Variants in GRIA2 observed in about 807,000 individuals in gnomAD.
The protein encoded by GRIA2 is glutamate receptor 2.
A neutral mutation model predicts 97.3 loss-of-function variants in GRIA2; 14 were observed. The observed-to-expected ratio is 0.14, with a 90% CI of 0.10 to 0.23. The LOEUF (loss-of-function observed/expected upper bound fraction) is 0.23, where lower values mean the gene tolerates loss of function less well. Ranked by LOEUF, GRIA2 falls within the 10% of genes least tolerant of loss-of-function variation. GRIA2 has a pLI of 1.00. For synonymous variants in GRIA2, 412 were observed against 387.8 expected (o/e 1.06, Z -0.73); for missense variants, 558 against 1,069.8 (o/e 0.52, Z 6.67).
At chr4:157,281,918 A>AAG (rs1354519065) in intron 2 of GRIA2, among the ~76,000 whole-genome samples, 2 of 152,110 alleles carry the variant, frequency 1.3e-5, no homozygotes, top group East Asian at 3.9e-4. Context: ...CCTTCTCATA[A>AAG]GCATCTAAAA....
chr4:157,310,538 C>G (rs939050975), intron 3 of GRIA2, among the ~76,000 whole-genome samples: 1 of 151,716 alleles, frequency 6.6e-6, no homozygotes, highest in African/African-American at 2.4e-5. Flanking sequence ...CTTTTTTTCC[C>G]TGCAATTATT....
intron 11 of GRIA2, among the ~76,000 whole-genome samples, 168 bp from the exon 12 acceptor site, chr4:157,341,096 C>T (rs898959885): frequency 2.6e-5 from 4 of 152,008 alleles, no homozygotes; most frequent in Admixed American, 1.3e-4. Context: ...ACTCTGTACT[C>T]CTTGCCCAAA....
At chr4:157,294,024 T>A (rs1407778014) in intron 2 of GRIA2, among the ~76,000 whole-genome samples, 2 of 152,144 alleles carry the variant, frequency 1.3e-5, no homozygotes, top group African/African-American at 4.8e-5. Flanking sequence ...GTATGTGGGT[T>A]AACACATAAG....
At chr4:157,325,758 G>A (rs960962216) in intron 6 of GRIA2, among the ~76,000 whole-genome samples, 1 of 152,058 alleles carries the variant, frequency 6.6e-6, no homozygotes, top group South Asian at 2.1e-4. Context: ...TACATCCTAT[G>A]AATCAGAAAA....
chr4:157,262,258 A>G (rs1011400391), intron 2 of GRIA2, among the ~76,000 whole-genome samples: 1 of 152,036 alleles, frequency 6.6e-6, no homozygotes, highest in Non-Finnish European at 1.5e-5. Flanking sequence ...CTAAATTTTC[A>G]TATGGAAGTT....
chr4:157,326,865 A>G (rs777820662), intron 6 of GRIA2, among the ~76,000 whole-genome samples: 6 of 152,126 alleles, frequency 3.9e-5, no homozygotes, highest in Non-Finnish European at 5.9e-5. Context: ...GAGAGTGCTG[A>G]TCATGGCTTT....
At chr4:157,357,288 G>A (rs1041678895) in intron 12 of GRIA2, among the ~76,000 whole-genome samples, 1 of 152,126 alleles carries the variant, frequency 6.6e-6, no homozygotes, top group Non-Finnish European at 1.5e-5. Flanking sequence ...GTTTTCAACA[G>A]AACAGTATTA....
At chr4:157,318,805 G>T (rs138829684) in intron 5 of GRIA2, among the ~76,000 whole-genome samples, 1 of 152,138 alleles carries the variant, frequency 6.6e-6, no homozygotes, top group African/African-American at 2.4e-5. Flanking sequence ...GAGAGGCAGA[G>T]AGCTTATTTT....
intron 2 of GRIA2, among the ~76,000 whole-genome samples, chr4:157,259,828 A>T (rs1475697866): frequency 6.6e-6 from 1 of 152,146 alleles, no homozygotes; most frequent in African/African-American, 2.4e-5. Flanking sequence ...ACTCACTGCC[A>T]GGTAACACCA....
At chr4:157,242,115 T>C (rs2126719057) in intron 2 of GRIA2, among the ~76,000 whole-genome samples, 1 of 152,202 alleles carries the variant, frequency 6.6e-6, no homozygotes, top group East Asian at 1.9e-4. Context: ...AGTTGAATGT[T>C]TTGTATCTTT....
chr4:157,359,838 G>GC, intron 12 of GRIA2, 58 bp from the exon 13 acceptor site: 3 of 1,494,648 alleles, frequency 2.0e-6, no homozygotes, highest in Middle Eastern at 1.8e-4. Flanking sequence ...TTTGTGTTTT[G>GC]TGAGTAATTT....
chr4:157,249,940 C>A (rs573244346), intron 2 of GRIA2: 150 of 152,112 alleles, frequency 9.9e-4, no homozygotes, highest in African/African-American at 3.5e-3. Context: ...TATGCTGGGA[C>A]CATTTCTCTA....
chr4:157,353,512 T>TA lies in GRIA2; in HGVS notation c.2044-6382dup, dbSNP rs746329356. On this transcript the variant is annotated intron_variant, in intron 12 of 15. Transcript: ENST00000264426. ...GATGAAACCCCGTCTCTAATAAAAA[T>TA]AATAAAAAAAAAAATTAGCCAGGTG... Among the ~76,000 whole-genome samples the TA allele has an allele frequency of 5.1e-3, 694 of 136,660 alleles. 4 individuals carry two copies. The highest frequency in any genetic ancestry group is 0.013 in the African/African-American group (469 of 36,908). 89.7% of individuals were successfully genotyped at this position (136,660 alleles called of 152,430 possible).
chr4:157,256,254 A>C (rs867463710), intron 2 of GRIA2, among the ~76,000 whole-genome samples: 2 of 106,636 alleles, frequency 1.9e-5, no homozygotes, highest in East Asian at 4.5e-4. Context: ...ATAATATATA[A>C]ATTATATATT....
intron 12 of GRIA2, among the ~76,000 whole-genome samples, chr4:157,347,125 A>G (rs1029313040): frequency 3.9e-5 from 6 of 152,288 alleles, no homozygotes; most frequent in African/African-American, 1.4e-4. Flanking sequence ...TAGTTCTTAA[A>G]TTTCATAGGA....
intron 11 of GRIA2, among the ~76,000 whole-genome samples, chr4:157,338,720 T>G (rs1327589040): frequency 6.6e-6 from 1 of 152,140 alleles, no homozygotes; most frequent in Non-Finnish European, 1.5e-5. Context: ...TCATTCAGAA[T>G]GTATTTGATA....
intron 12 of GRIA2, chr4:157,341,986 A>G (rs761503130): frequency 7.8e-4 from 164 of 210,004 alleles, no homozygotes; most frequent in Non-Finnish European, 1.0e-3. Flanking sequence ...TAAAATATGT[A>G]GTATATTTAT....
chr4:157,236,825 T>C (rs973011909), intron 2 of GRIA2, among the ~76,000 whole-genome samples: 18 of 152,144 alleles, frequency 1.2e-4, no homozygotes, highest in Non-Finnish European at 2.9e-5. Flanking sequence ...CGATTTTCTT[T>C]TGGGTTGTTG....
chr4:157,252,946 C>G (rs1412681096), intron 2 of GRIA2, among the ~76,000 whole-genome samples: 1 of 152,032 alleles, frequency 6.6e-6, no homozygotes, highest in Non-Finnish European at 1.5e-5. Context: ...GAAAACCCAA[C>G]TGTCTTTAAA....
Sources: allele counts gnomAD v4.1 joint callset (sites outside exome capture counted in the v4.1 genomes callset), GRCh38; gene constraint gnomAD v4.1.1; transcripts MANE v1.5; gene names NCBI Gene and HGNC (gene_info 2026-07-23, HGNC 2026-07-21).